The following CLVS1 variants were observed in gnomAD, a reference collection of about 807,000 sequenced individuals.
CLVS1 encodes clavesin-1.
CLVS1 carries 10 observed loss-of-function variants against 33.1 expected under a neutral mutation model. The ratio of observed to expected loss-of-function variants is 0.30; its 90% CI spans 0.19 to 0.51. The LOEUF is 0.51. CLVS1 is among the 20% of genes least tolerant of loss of function. The probability of loss-of-function intolerance (pLI) is 0.97; values close to 1 mark genes in which losing one functional copy is unlikely to be tolerated. For synonymous variants in CLVS1, 163 were observed against 166.1 expected (o/e 0.98, Z 0.14); for missense variants, 343 against 433.4 (o/e 0.79, Z 1.85).
intron 2 of CLVS1, among the ~76,000 whole-genome samples, chr8:61,307,512 A>G (rs2129595208): frequency 6.6e-6 from 1 of 152,310 alleles, no homozygotes; most frequent in Non-Finnish European, 1.5e-5. Context: ...TGTAAAGGTG[A>G]GGGATAGGGC....
chr8:61,410,615 T>C (rs547714594), intron 3 of CLVS1, among the ~76,000 whole-genome samples: 20 of 152,094 alleles, frequency 1.3e-4, no homozygotes, highest in Non-Finnish European at 2.5e-4. Flanking sequence ...TCCATCAGAT[T>C]GCTTTCTTTC....
chr8:61,247,965 G>A (rs547127400), intron 2 of CLVS1, among the ~76,000 whole-genome samples: 1 of 152,110 alleles, frequency 6.6e-6, no homozygotes, highest in Admixed American at 6.6e-5. Flanking sequence ...TTTGTATATG[G>A]TGTAAGGAAG....
intron 1 of CLVS1, among the ~76,000 whole-genome samples, chr8:61,103,282 C>A (rs925537377): frequency 1.3e-5 from 2 of 152,162 alleles, no homozygotes; most frequent in African/African-American, 4.8e-5. Context: ...GGCAACCAAC[C>A]ATTTAAATCT....
intron 2 of CLVS1, among the ~76,000 whole-genome samples, chr8:61,158,383 G>A (rs892026115): frequency 3.3e-5 from 5 of 152,150 alleles, no homozygotes; most frequent in African/African-American, 4.8e-5. Flanking sequence ...TGATGTGTAC[G>A]TGTTAAGACT....
chr8:60,986,285 C>T, the CLVS1 span, among the ~76,000 whole-genome samples: 1 of 152,194 alleles, frequency 6.6e-6, no homozygotes, highest in African/African-American at 2.4e-5. Context: ...ATTAACAAAA[C>T]CTTGAGTAGT....
chr8:61,164,877 A>G (rs1585655668), intron 2 of CLVS1, among the ~76,000 whole-genome samples: 2 of 152,190 alleles, frequency 1.3e-5, no homozygotes, highest in Admixed American at 1.3e-4. Flanking sequence ...AAGAACCCTG[A>G]TGTTCCTCCA....
chr8:61,027,194 C>G, the CLVS1 span, among the ~76,000 whole-genome samples: 1 of 152,044 alleles, frequency 6.6e-6, no homozygotes, highest in Non-Finnish European at 1.5e-5. Context: ...ACTGTCATCC[C>G]CCAAGAGTGA....
the CLVS1 span, among the ~76,000 whole-genome samples, chr8:61,034,858 A>T: frequency 1.3e-5 from 2 of 152,150 alleles, no homozygotes; most frequent in Non-Finnish European, 2.9e-5. Context: ...AAATCAGGAT[A>T]CATCAGATCA....
chr8:61,480,657 C>T (rs1207147511), intron 5 of CLVS1, among the ~76,000 whole-genome samples: 1 of 152,136 alleles, frequency 6.6e-6, no homozygotes, highest in African/African-American at 2.4e-5. Context: ...GCAGAAATCA[C>T]CCATCTTCTG....
chr8:60,980,526 C>T, the CLVS1 span, among the ~76,000 whole-genome samples: 1 of 152,204 alleles, frequency 6.6e-6, no homozygotes, highest in African/African-American at 2.4e-5. Flanking sequence ...TAGCTCACAC[C>T]TGTAATCCCA....
intron 2 of CLVS1, among the ~76,000 whole-genome samples, chr8:61,132,423 C>T (rs1220737578): frequency 1.3e-5 from 2 of 152,154 alleles, no homozygotes; most frequent in Admixed American, 6.5e-5. Context: ...CTGGGGACAA[C>T]GCGGGCTGAG....
intron 1 of CLVS1, among the ~76,000 whole-genome samples, chr8:61,092,401 C>A (rs146696207): frequency 1.6e-4 from 24 of 152,270 alleles, no homozygotes; most frequent in African/African-American, 5.5e-4. Flanking sequence ...AGAGGTGGAG[C>A]GTTCATCATC....
At chr8:61,378,944 A>T (rs952782703) in intron 3 of CLVS1, among the ~76,000 whole-genome samples, 1 of 152,154 alleles carries the variant, frequency 6.6e-6, no homozygotes, top group African/African-American at 2.4e-5. Flanking sequence ...GTACTGTGCA[A>T]GGAGGGCCCA....
chr8:61,070,344 C>G (rs1220735334), intron 1 of CLVS1, among the ~76,000 whole-genome samples: 2 of 152,228 alleles, frequency 1.3e-5, no homozygotes, highest in Non-Finnish European at 2.9e-5. Flanking sequence ...TGCTGGGCTA[C>G]AGTCATGATT....
In CLVS1 at chr8:61,288,150, C is replaced by A. The variant is rs946796038; in HGVS notation, c.-152+12C>A. On this transcript the variant is annotated intron_variant, in intron 1 of 5. Coordinates refer to ENST00000325897, the MANE Select transcript of CLVS1 (RefSeq NM_173519.3). ...GCGGCCGTGTGAAGGTATTTGTTACCTTTTTTCTCCCCTCTGTATTTGCCG... is the reference window on the plus strand; with the variant it reads ...GCGGCCGTGTGAAGGTATTTGTTACATTTTTTCTCCCCTCTGTATTTGCCG... 4.4e-6 allele frequency: 2 copies of A among 456,132 alleles called. No homozygotes were observed. Among genetic ancestry groups the A allele is most frequent in the African/African-American group, 4.0e-5 (2 of 50,050 alleles). 28.3% of individuals were successfully genotyped at this position (456,132 alleles called of 1,614,324 possible).
At chr8:61,249,831 A>T (rs569483357) in intron 2 of CLVS1, among the ~76,000 whole-genome samples, 9 of 152,208 alleles carry the variant, frequency 5.9e-5, no homozygotes, top group African/African-American at 2.2e-4. Context: ...TGTCAGATGT[A>T]TACATTGCAA....
At chr8:61,396,157 A>G (rs1455268090) in intron 3 of CLVS1, among the ~76,000 whole-genome samples, 2 of 152,140 alleles carry the variant, frequency 1.3e-5, no homozygotes, top group Non-Finnish European at 2.9e-5. Context: ...TTGGGACTTC[A>G]TTAGTTGTTT....
intron 2 of CLVS1, among the ~76,000 whole-genome samples, chr8:61,186,548 G>A (rs1807347540): frequency 6.6e-6 from 1 of 152,148 alleles, no homozygotes. Context: ...CAATCAAACT[G>A]CCTTTCCTCC....
chr8:61,384,061 A>C (rs1165250224), intron 3 of CLVS1, among the ~76,000 whole-genome samples: 1 of 152,242 alleles, frequency 6.6e-6, no homozygotes, highest in Non-Finnish European at 1.5e-5. Flanking sequence ...GGGCAAGGCC[A>C]GGCCTCAGCT....
Sources: allele counts gnomAD v4.1 joint callset (sites outside exome capture counted in the v4.1 genomes callset), GRCh38; gene constraint gnomAD v4.1.1; transcripts MANE v1.5; gene names NCBI Gene and HGNC (gene_info 2026-07-23, HGNC 2026-07-21).